The following PTPRG variants were observed in gnomAD, a reference collection of about 807,000 sequenced individuals.
PTPRG encodes the protein receptor-type tyrosine-protein phosphatase gamma.
In PTPRG, 102 loss-of-function variants were observed where a neutral mutation model predicts 165.3. The observed-to-expected ratio is 0.62, with a 90% CI of 0.53 to 0.73. PTPRG has a LOEUF of 0.73. PTPRG is among the 30% of genes least tolerant of loss of function. The pLI, the probability that PTPRG is intolerant of heterozygous loss-of-function variation, is 0.00. For synonymous variants in PTPRG, 675 were observed against 669.5 expected, an observed-to-expected ratio of 1.01 and a Z score of -0.13; for missense variants, 1,866 against 1,861.4, an observed-to-expected ratio of 1.00 and a Z score of -0.05.
chr3:61,928,013 C>G (rs2039267333), intron 2 of PTPRG, among the ~76,000 whole-genome samples: 1 of 152,086 alleles, frequency 6.6e-6, no homozygotes, highest in African/African-American at 2.4e-5. Flanking sequence ...GGTCACCTAG[C>G]TGAATCTGAA....
chr3:62,218,231 A>T (rs1700561155), intron 12 of PTPRG, among the ~76,000 whole-genome samples: 3 of 152,126 alleles, frequency 2.0e-5, no homozygotes. Context: ...TAAATCGTTG[A>T]CCAGAGCAGG....
chr3:62,027,031 A>G (rs1247604801), intron 4 of PTPRG, among the ~76,000 whole-genome samples: 2 of 152,150 alleles, frequency 1.3e-5, no homozygotes, highest in East Asian at 3.9e-4. Flanking sequence ...TGTTGTTACT[A>G]CTACTGAGTC....
chr3:61,784,841 C>T (rs11716396), intron 2 of PTPRG, among the ~76,000 whole-genome samples: 32,688 of 152,026 alleles, frequency 0.22, 4,515 homozygotes, highest in East Asian at 0.27. Flanking sequence ...TTTACCTCTC[C>T]GTCTGTAATT....
intron 7 of PTPRG, among the ~76,000 whole-genome samples, chr3:62,161,867 C>T (rs1443106641): frequency 6.6e-6 from 1 of 152,198 alleles, no homozygotes. Context: ...ACACGACCTG[C>T]CCTGTCATCC....
chr3:61,669,683 C>T (rs951365050), intron 1 of PTPRG, among the ~76,000 whole-genome samples: 1 of 152,160 alleles, frequency 6.6e-6, no homozygotes, highest in East Asian at 1.9e-4. Flanking sequence ...ACAGGTTTTT[C>T]TTAACGTTCT....
intron 2 of PTPRG, among the ~76,000 whole-genome samples, chr3:61,878,670 A>AT (rs1370709071): frequency 2.6e-5 from 4 of 151,490 alleles, no homozygotes; most frequent in Admixed American, 1.3e-4. Context: ...AGCTTATTTT[A>AT]TTTTTTTATC....
chr3:61,929,613 T>G (rs1559695363), intron 2 of PTPRG, among the ~76,000 whole-genome samples: 1 of 152,236 alleles, frequency 6.6e-6, no homozygotes, highest in Non-Finnish European at 1.5e-5. Context: ...ATTAAATTGT[T>G]AAACTCATTT....
At chr3:62,131,511 T>G (rs6764198) in intron 5 of PTPRG, among the ~76,000 whole-genome samples, 66,193 of 151,998 alleles carry the variant, frequency 0.44, 14,646 homozygotes, top group Middle Eastern at 0.48. Context: ...TCCTCTGAAT[T>G]GACCTGAAAA....
chr3:62,211,194 T>C (rs1245004447), intron 12 of PTPRG, among the ~76,000 whole-genome samples: 2 of 152,222 alleles, frequency 1.3e-5, no homozygotes, highest in Non-Finnish European at 2.9e-5. Flanking sequence ...AACGAAATCC[T>C]CTCACATGCT....
intron 2 of PTPRG, among the ~76,000 whole-genome samples, chr3:61,752,380 T>A (rs754482595): frequency 1.1e-4 from 16 of 152,188 alleles, no homozygotes; most frequent in Non-Finnish European, 1.6e-4. Flanking sequence ...AACTGAGTGG[T>A]TGTGACAGAG....
chr3:61,995,682 G>A (rs185267011), intron 3 of PTPRG, among the ~76,000 whole-genome samples: 1 of 72,722 alleles, frequency 1.4e-5, no homozygotes, highest in Non-Finnish European at 2.8e-5. Context: ...CTGCCCGCCC[G>A]CCTTCCTTCC....
At chr3:62,209,708 A>C (rs1397189805) in intron 12 of PTPRG, among the ~76,000 whole-genome samples, 1 of 152,146 alleles carries the variant, frequency 6.6e-6, no homozygotes, top group Non-Finnish European at 1.5e-5. Context: ...GGGTAGGCCG[A>C]AGGGGTTATT....
Position 61,758,827 on chromosome 3 carries a change from AGG to A in PTPRG, c.190+9846_190+9847del, listed in dbSNP as rs2106956378. Among the ~76,000 whole-genome samples the A allele has an allele frequency of 3.3e-5, 5 of 152,214 alleles. No homozygotes were observed. In the South Asian group the frequency reaches 1.0e-3, roughly 32 times the overall value. Reference sequence around the variant, plus strand: ...TCTTGGTAGCAGTAAGAAGAACGTAAGGAGGACCCATTTCACTGGATTGTGAA... The same window carrying A: ...TCTTGGTAGCAGTAAGAAGAACGTAAAGGACCCATTTCACTGGATTGTGAA... On this transcript the variant is annotated intron_variant, in intron 2 of 29. Transcript: ENST00000474889.
chr3:62,144,538 T>C (rs1360654211), intron 6 of PTPRG, among the ~76,000 whole-genome samples: 1 of 152,256 alleles, frequency 6.6e-6, no homozygotes, highest in Non-Finnish European at 1.5e-5. Context: ...TTGAAGTTTG[T>C]GTTTCCAGCA....
intron 1 of PTPRG, among the ~76,000 whole-genome samples, chr3:61,585,016 C>G (rs900826178): frequency 6.6e-6 from 1 of 152,132 alleles, no homozygotes; most frequent in African/African-American, 2.4e-5. Flanking sequence ...TGTGGTGGTT[C>G]ACGCCTGTAA....
intron 14 of PTPRG, among the ~76,000 whole-genome samples, chr3:62,238,801 T>G (rs1701089870): frequency 6.6e-6 from 1 of 152,180 alleles, no homozygotes; most frequent in Non-Finnish European, 1.5e-5. Context: ...AGAGACAGAC[T>G]GACTGACTGT....
In PTPRG at chr3:61,989,772, A is replaced by T; in HGVS notation, c.338A>T (p.Asn113Ile). ...QLDGFDNESS[N>I]KTWMKNTGKT... ...GATGGCTTCGACAATGAGTCTTCTAACAAAACCTGGATGAAAAACACAGGG... is the reference window on the plus strand; with the variant it reads ...GATGGCTTCGACAATGAGTCTTCTATCAAAACCTGGATGAAAAACACAGGG... The change falls in exon 3 of 30, where the codon AAC becomes ATC. Residue 113 changes from asparagine (N) to isoleucine (I), a missense_variant. Transcript: ENST00000474889. 1.2e-6 allele frequency: 2 copies of T among 1,614,150 alleles called. No homozygotes were observed. The highest frequency in any genetic ancestry group is 4.5e-5 in the East Asian group (2 of 44,882).
chr3:61,938,565 C>G (rs932620704), intron 2 of PTPRG, among the ~76,000 whole-genome samples: 3 of 152,294 alleles, frequency 2.0e-5, no homozygotes, highest in Non-Finnish European at 2.9e-5. Context: ...GTGTTTGACA[C>G]GTGTAAGTGT....
At chr3:61,721,247 C>G (rs1490834595) in intron 1 of PTPRG, among the ~76,000 whole-genome samples, 1 of 152,152 alleles carries the variant, frequency 6.6e-6, no homozygotes, top group Non-Finnish European at 1.5e-5. Flanking sequence ...GCAACCTGAA[C>G]TATTTTAGCG....
Sources: gnomAD v4.1 joint callset for allele counts (sites outside exome capture counted in the v4.1 genomes callset) on GRCh38, gnomAD v4.1.1 for gene constraint, MANE v1.5 for transcripts, NCBI Gene and HGNC (gene_info 2026-07-23, HGNC 2026-07-21) for gene names.